KIRREL3: variants seen among roughly 807,000 people sequenced by gnomAD.
The protein encoded by KIRREL3 is kin of IRRE-like protein 3.
KIRREL3 carries 36 observed loss-of-function variants against 89.7 expected under a neutral mutation model. The observed-to-expected ratio is 0.40, with a 90% confidence interval of 0.31 to 0.53. The LOEUF is 0.53. KIRREL3 is among the 20% of genes least tolerant of loss of function. The pLI is 0.49. For synonymous variants in KIRREL3, 445 were observed against 441.4 expected, an observed-to-expected ratio of 1.01 and a Z score of -0.10; for missense variants, 864 against 1,056.6, an observed-to-expected ratio of 0.82 and a Z score of 2.53.
chr11:126,857,267 C>T (rs751408511), intron 1 of KIRREL3, among the ~76,000 whole-genome samples: 1 of 152,236 alleles, frequency 6.6e-6, no homozygotes, highest in African/African-American at 2.4e-5. Context: ...CTCCAATGGA[C>T]CCCACCTGTG....
intron 1 of KIRREL3, among the ~76,000 whole-genome samples, chr11:126,603,763 C>G (rs1232330320): frequency 2.0e-5 from 3 of 152,232 alleles, no homozygotes; most frequent in Non-Finnish European, 4.4e-5. Context: ...TCACCTGGCC[C>G]TGGGATGCTG....
intron 1 of KIRREL3, among the ~76,000 whole-genome samples, chr11:126,949,355 T>A (rs1948712051): frequency 1.3e-5 from 2 of 152,168 alleles, no homozygotes; most frequent in Non-Finnish European, 2.9e-5. Flanking sequence ...TGACTCTTTA[T>A]CAGAACTGCT....
At chr11:126,613,659 G>A (rs998893625) in intron 1 of KIRREL3, among the ~76,000 whole-genome samples, 1 of 151,836 alleles carries the variant, frequency 6.6e-6, no homozygotes, top group African/African-American at 2.4e-5. Context: ...AGAGAAAGAA[G>A]GAAAAAGAAA....
intron 4 of KIRREL3, among the ~76,000 whole-genome samples, chr11:126,517,250 GTCAT>G (rs929797627): frequency 1.3e-5 from 2 of 151,788 alleles, no homozygotes; most frequent in Non-Finnish European, 2.9e-5. Flanking sequence ...AACCAGAAAC[GTCAT>G]TCATTCATTC....
chr11:126,466,934 G>C lies in KIRREL3; in HGVS notation c.592-3627C>G, dbSNP rs1275137147. On this transcript the variant is annotated intron_variant, in intron 5 of 16. Coordinates refer to ENST00000525144, the MANE Select transcript of KIRREL3 (RefSeq NM_032531.4). ...CCAAGGCCTCCCTCCAGTGTGGTGA[G>C]CACTAACGTGCTGCCAGCCCCCGGC... Among the ~76,000 whole-genome samples, 4 of 152,222 alleles carry C rather than the reference G, an allele frequency of 2.6e-5. No individual in the cohort carries two copies. The South Asian group carries it at 6.2e-4, about 24-fold the overall frequency.
In KIRREL3 at chr11:126,953,898, C is replaced by A. The variant is rs1189929603; in HGVS notation, c.55+46557G>T. Among the ~76,000 whole-genome samples, 16 of 152,120 alleles carry A rather than the reference C, an allele frequency of 1.1e-4. No homozygotes were observed. Among genetic ancestry groups the A allele is most frequent in the Admixed American group, 9.2e-4 (14 of 15,266 alleles). ...CTACCACCCGCTTATTTATGTTAAT[C>A]TGATTTAGATCTTTTCTTTTCCCCT... On this transcript the variant is annotated intron_variant, in intron 1 of 16. Coordinates refer to ENST00000525144, the MANE Select transcript of KIRREL3 (RefSeq NM_032531.4). This position sits in a 1 kb window ranked among gnomAD's most constrained non-coding sequence, Gnocchi z 5.2.
intron 1 of KIRREL3, among the ~76,000 whole-genome samples, chr11:126,885,523 T>C (rs1945661830): frequency 6.6e-6 from 1 of 152,250 alleles, no homozygotes; most frequent in South Asian, 2.1e-4. Flanking sequence ...GTTTGCATTG[T>C]TTGTGAATAC....
intron 1 of KIRREL3, among the ~76,000 whole-genome samples, chr11:126,871,294 C>T (rs576355441): frequency 6.6e-6 from 1 of 152,154 alleles, no homozygotes; most frequent in Admixed American, 6.5e-5. Context: ...ACATGCAGGA[C>T]CACCTTTGAG....
At position 126,872,649 on chromosome 11, in the gene KIRREL3, C is replaced by T. The variant is rs1379232174; in HGVS notation, c.55+127806G>A. On this transcript the variant is annotated intron_variant, in intron 1 of 16. Transcript: ENST00000525144. The surrounding 1 kb of genome is among the most constrained non-coding windows in gnomAD (Gnocchi z 4.2). ...TGAAAAAATGCTCCAGAGTGTCTATCTTTTCTTTCTCTGTCTCCCTCCTAT... is the reference window on the plus strand; with the variant it reads ...TGAAAAAATGCTCCAGAGTGTCTATTTTTTCTTTCTCTGTCTCCCTCCTAT... Among the ~76,000 whole-genome samples the T allele has an allele frequency of 6.6e-6, 1 of 152,212 alleles. No homozygotes were observed. Among genetic ancestry groups the T allele is most frequent in the East Asian group, 1.9e-4 (1 of 5,202 alleles).
intron 11 of KIRREL3, among the ~76,000 whole-genome samples, chr11:126,439,350 AAG>A (rs1955474764): frequency 6.6e-6 from 1 of 151,410 alleles, no homozygotes; most frequent in Admixed American, 6.6e-5. Context: ...GAGGGAAAAA[AAG>A]ACTCTGCCCT....
chr11:126,649,176 T>C (rs1163986530), intron 1 of KIRREL3, among the ~76,000 whole-genome samples: 3 of 152,218 alleles, frequency 2.0e-5, no homozygotes, highest in African/African-American at 7.2e-5. Context: ...TTATCTCCTA[T>C]TGGGTCCCTC....
At position 126,683,204 on chromosome 11, in the gene KIRREL3, G is replaced by A. The variant is rs1162030073; in HGVS notation, c.56-120292C>T. 6.6e-6 allele frequency among the ~76,000 whole-genome samples: 1 copy of A among 152,130 alleles called. No homozygotes were observed. Among genetic ancestry groups the A allele is most frequent in the Non-Finnish European group, 1.5e-5 (1 of 68,026 alleles). ...TGGAAATATTAAGAAAATACAGCAG[G>A]GAGAGATTGATTTTTAGGATTTAAG... On this transcript the variant is annotated intron_variant, in intron 1 of 16. Coordinates refer to ENST00000525144, the MANE Select transcript of KIRREL3 (RefSeq NM_032531.4). The surrounding 1 kb of genome is among the most constrained non-coding windows in gnomAD (Gnocchi z 5.2).
In KIRREL3 at chr11:126,987,023, T is replaced by C. The variant is rs1466937396; in HGVS notation, c.55+13432A>G. On this transcript the variant is annotated intron_variant, in intron 1 of 16. Coordinates refer to ENST00000525144, the MANE Select transcript of KIRREL3 (RefSeq NM_032531.4). The surrounding 1 kb of genome is among the most constrained non-coding windows in gnomAD (Gnocchi z 4.6). ...CCCTTCTGATGTAGAAGGTCTGGAC[T>C]GGGGTCCAAAAATGGGGATTTCTAA... Among the ~76,000 whole-genome samples the C allele has an allele frequency of 6.6e-6, 1 of 152,152 alleles. No homozygotes were observed. The highest frequency in any genetic ancestry group is 1.5e-5 in the Non-Finnish European group (1 of 68,022).
Position 126,653,975 on chromosome 11 carries a change from G to A in KIRREL3, c.56-91063C>T, listed in dbSNP as rs887082359. On this transcript the variant is annotated intron_variant, in intron 1 of 16. Coordinates refer to ENST00000525144, the MANE Select transcript of KIRREL3 (RefSeq NM_032531.4). This position sits in a 1 kb window ranked among gnomAD's most constrained non-coding sequence, Gnocchi z 5.4. ...CTTCTGCCTAGAGGGTGACCCCCAC[G>A]CCCAGCACATATCTCACCCTCAGTC... Among the ~76,000 whole-genome samples, 9 of 152,238 alleles carry A rather than the reference G, an allele frequency of 5.9e-5. No individual in the cohort carries two copies. Among genetic ancestry groups the A allele is most frequent in the East Asian group, 1.9e-4 (1 of 5,172 alleles).
At position 126,525,648 on chromosome 11, in the gene KIRREL3, C is replaced by T. The variant is rs569710052; in HGVS notation, c.283+890G>A. 3.9e-5 allele frequency among the ~76,000 whole-genome samples: 6 copies of T among 152,206 alleles called. No homozygotes were observed. Among genetic ancestry groups the T allele is most frequent in the Non-Finnish European group, 8.8e-5 (6 of 68,042 alleles). Reference sequence around the variant, plus strand: ...CTTCTCAGCTGAATAATATTTTTCTCTCCTCCTCCACCCTTAGCTATTCCC... The same window carrying T: ...CTTCTCAGCTGAATAATATTTTTCTTTCCTCCTCCACCCTTAGCTATTCCC... On this transcript the variant is annotated intron_variant, in intron 3 of 16. Transcript: ENST00000525144. This position sits in a 1 kb window ranked among gnomAD's most constrained non-coding sequence, Gnocchi z 5.4.
intron 2 of KIRREL3, among the ~76,000 whole-genome samples, chr11:126,556,063 C>A (rs1011650574): frequency 1.3e-5 from 2 of 152,106 alleles, no homozygotes; most frequent in Admixed American, 6.5e-5. Context: ...TTTCTTAAAG[C>A]CATTGAAATA....
chr11:126,567,218 T>C (rs1940582810), intron 1 of KIRREL3, among the ~76,000 whole-genome samples: 1 of 152,214 alleles, frequency 6.6e-6, no homozygotes, highest in African/African-American at 2.4e-5. Flanking sequence ...GGTGATCATG[T>C]TATAATGAGG....
rs573937636 is a variant in KIRREL3, at chr11:126,462,846, C to T, written c.742+311G>A. Among the ~76,000 whole-genome samples the T allele has an allele frequency of 1.3e-5, 2 of 152,150 alleles. No individual in the cohort carries two copies. Among genetic ancestry groups the T allele is most frequent in the Non-Finnish European group, 2.9e-5 (2 of 68,034 alleles). On this transcript the variant is annotated intron_variant, in intron 6 of 16. Transcript: ENST00000525144. The surrounding 1 kb of genome is among the most constrained non-coding windows in gnomAD (Gnocchi z 4.8). ...ATCTCCACTCAGACTTCCCCTCCAA[C>T]AGAGGGGCCACCGGCTAGGCCAGCA...
chr11:126,790,588 A>T (rs1950607348), intron 1 of KIRREL3, among the ~76,000 whole-genome samples: 1 of 152,204 alleles, frequency 6.6e-6, no homozygotes, highest in Non-Finnish European at 1.5e-5. Context: ...CAACCATGTG[A>T]TCCATTATTT....
Sources: allele counts gnomAD v4.1 joint callset (sites outside exome capture counted in the v4.1 genomes callset), GRCh38; gene constraint gnomAD v4.1.1; non-coding constraint Gnocchi (gnomAD v3.1); transcripts MANE v1.5; gene names NCBI Gene and HGNC (gene_info 2026-07-23, HGNC 2026-07-21).